Variants in IGSF11 observed in about 807,000 individuals in gnomAD.
The protein encoded by IGSF11 is CXADR like 1.
In IGSF11, 22 loss-of-function variants were observed where a neutral mutation model predicts 41.0. The ratio of observed to expected loss-of-function variants is 0.54; its 90% CI spans 0.38 to 0.77. The LOEUF is 0.77. IGSF11 is among the 30% of genes least tolerant of loss of function. IGSF11 has a pLI of 0.00. For missense variants in IGSF11, 444 were observed against 530.8 expected (o/e 0.84, Z 1.61); for synonymous variants, 219 against 201.3 (o/e 1.09, Z -0.74).
At chr3:118,957,736 G>T (rs2107595301) in intron 1 of IGSF11, among the ~76,000 whole-genome samples, 1 of 152,308 alleles carries the variant, frequency 6.6e-6, no homozygotes, top group East Asian at 1.9e-4. Context: ...AAAGTAGAAA[G>T]TAATTCCTAT....
rs1294632107 is a variant in IGSF11, at chr3:118,933,482, A to ATATG, written c.53-3208_53-3207insCATA. Among the ~76,000 whole-genome samples, 432 of 150,080 alleles carry ATATG rather than the reference A, an allele frequency of 2.9e-3. 6 individuals are homozygous for ATATG. The highest frequency in any genetic ancestry group is 9.3e-3 in the African/African-American group (378 of 40,586). On this transcript the variant is annotated intron_variant, in intron 1 of 6. Transcript: ENST00000393775. The stretch of plus-strand genomic sequence containing the variant: ...TAACATGTATTTTTTATATATATAT[A>ATATG]TATATATACACACACACACACATAT...
At chr3:119,008,445 C>T (rs1937672010) in intron 1 of IGSF11, among the ~76,000 whole-genome samples, 1 of 152,168 alleles carries the variant, frequency 6.6e-6, no homozygotes, top group African/African-American at 2.4e-5. Flanking sequence ...CAGTCTAAAT[C>T]TGGATATTAA....
Position 119,029,854 on chromosome 3 carries a change from A to T in IGSF11, c.52+4677T>A, listed in dbSNP as rs765766875. ...AGTGGCCCCAATATATTAGAGTTAC[A>T]TTCACAAAGTCATATTGTATTATTA... On this transcript the variant is annotated intron_variant, in intron 1 of 6. Coordinates refer to ENST00000393775, the MANE Select transcript of IGSF11 (RefSeq NM_001015887.3). Among the ~76,000 whole-genome samples, 7 of 152,366 alleles carry T rather than the reference A, an allele frequency of 4.6e-5. No individual in the cohort carries two copies. The South Asian group carries it at 1.2e-3, about 27-fold the overall frequency.
intron 1 of IGSF11, among the ~76,000 whole-genome samples, chr3:119,114,998 C>T (rs2077235859): frequency 6.6e-6 from 1 of 152,102 alleles, no homozygotes; most frequent in Admixed American, 6.6e-5. Context: ...GGGGGAGGTG[C>T]TACACACTTT....
At chr3:119,064,511 CTTTTTTTTTTTTT>C (rs779910295) in intron 1 of IGSF11, among the ~76,000 whole-genome samples, 16 of 101,398 alleles carry the variant, frequency 1.6e-4, no homozygotes, top group Non-Finnish European at 2.8e-4. Context: ...CTTGGCTGCT[CTTTTTTTTTTTTT>C]TTTTTTTTTC....
chr3:119,102,860 C>G (rs1426161167), intron 1 of IGSF11, among the ~76,000 whole-genome samples: 1 of 152,132 alleles, frequency 6.6e-6, no homozygotes, highest in African/African-American at 2.4e-5. Context: ...TCCCTGAGCT[C>G]ATTTGTCAAG....
intron 1 of IGSF11, among the ~76,000 whole-genome samples, chr3:118,939,180 T>C (rs536249323): frequency 6.6e-6 from 1 of 152,272 alleles, no homozygotes; most frequent in African/African-American, 2.4e-5. Flanking sequence ...GACTATAAAA[T>C]GAACTTCAGA....
chr3:119,056,687 C>G (rs1369435737), intron 1 of IGSF11, among the ~76,000 whole-genome samples: 3 of 152,272 alleles, frequency 2.0e-5, no homozygotes, highest in South Asian at 2.1e-4. Flanking sequence ...AATTTTAGAC[C>G]AATGTCCTTG....
At chr3:119,002,345 T>G (rs1936988615) in intron 1 of IGSF11, among the ~76,000 whole-genome samples, 1 of 151,356 alleles carries the variant, frequency 6.6e-6, no homozygotes, top group Non-Finnish European at 1.5e-5. Flanking sequence ...TAAATTTGTT[T>G]GAGTTCTTTG....
At chr3:119,014,333 A>G (rs1187281599) in intron 1 of IGSF11, among the ~76,000 whole-genome samples, 1 of 152,222 alleles carries the variant, frequency 6.6e-6, no homozygotes, top group African/African-American at 2.4e-5. Flanking sequence ...AATGTATCCA[A>G]TACATATTTT....
rs186465031 is a variant in IGSF11, at chr3:119,084,989, C to T, written c.49+20155G>A. ...GTGTGGAACCTAGGTATGCCTCCTT[C>T]CACAGGGCTTGTCCAATAAGGGTGT... is the stretch of plus-strand genomic sequence containing the variant. On this transcript the variant is annotated intron_variant, in intron 1 of 6. Transcript: ENST00000354673. 3.4e-5 allele frequency among the ~76,000 whole-genome samples: 5 copies of T among 147,408 alleles called. No individual in the cohort carries two copies. In the East Asian group the frequency reaches 9.9e-4, roughly 29 times the overall value.
intron 1 of IGSF11, among the ~76,000 whole-genome samples, chr3:118,995,518 C>T (rs941460918): frequency 6.6e-5 from 10 of 152,202 alleles, no homozygotes; most frequent in Admixed American, 6.5e-4. Flanking sequence ...GTACCTAAAA[C>T]AACAAAGAAG....
At chr3:119,138,425 C>T (rs998895982) in intron 1 of IGSF11, among the ~76,000 whole-genome samples, 25 of 152,292 alleles carry the variant, frequency 1.6e-4, no homozygotes, top group African/African-American at 4.3e-4. Flanking sequence ...TGGTTCATGC[C>T]TGTAATCCTA....
intron 1 of IGSF11, among the ~76,000 whole-genome samples, chr3:118,938,007 ATCTC>A (rs763112286): frequency 3.3e-5 from 5 of 150,660 alleles, no homozygotes; most frequent in Admixed American, 6.6e-5. Flanking sequence ...TCCAAAAGAT[ATCTC>A]TCTCTCTCTC....
exon 1 of IGSF11, chr3:119,145,990 G>C (rs996036351): frequency 1.9e-5 from 11 of 567,076 alleles, no homozygotes; most frequent in Non-Finnish European, 2.8e-5. Context: ...TACTCCCTGC[G>C]CTCGCCTGCA....
chr3:118,984,355 T>G (rs1469546145), intron 1 of IGSF11, among the ~76,000 whole-genome samples: 1 of 152,174 alleles, frequency 6.6e-6, no homozygotes, highest in Non-Finnish European at 1.5e-5. Flanking sequence ...CAACAATTAA[T>G]GTTGCTGAAA....
intron 1 of IGSF11, among the ~76,000 whole-genome samples, chr3:119,137,615 A>C (rs1312970216): frequency 6.6e-6 from 1 of 152,192 alleles, no homozygotes; most frequent in Non-Finnish European, 1.5e-5. Flanking sequence ...AAACTACCAA[A>C]AGAAAACTTT....
At chr3:118,947,359 C>A (rs1485084237) in intron 1 of IGSF11, 1 of 152,080 alleles carries the variant, frequency 6.6e-6, no homozygotes, top group Admixed American at 6.6e-5. Context: ...GGTTAGATAT[C>A]AACAAAAGAG....
intron 4 of IGSF11, among the ~76,000 whole-genome samples, chr3:118,913,795 T>C (rs574109175): frequency 2.0e-5 from 3 of 152,058 alleles, no homozygotes; most frequent in Admixed American, 1.3e-4. Flanking sequence ...AAAATGGGGA[T>C]GATTAATAAG....
Sources: gnomAD v4.1 joint callset for allele counts (sites outside exome capture counted in the v4.1 genomes callset) on GRCh38, gnomAD v4.1.1 for gene constraint, MANE v1.5 for transcripts, NCBI Gene and HGNC (gene_info 2026-07-23, HGNC 2026-07-21) for gene names.